Variants in CFAP70 observed in about 807,000 individuals in gnomAD.
CFAP70 encodes cilia and flagella associated protein 70, also known as cilia- and flagella-associated protein 70.
Under a neutral mutation model 137.6 loss-of-function variants are expected in CFAP70, and 81 were observed. That is an observed-to-expected ratio of 0.59 (90% confidence interval 0.49 to 0.71). The LOEUF is 0.71. Ranked by LOEUF, CFAP70 falls within the 30% of genes least tolerant of loss-of-function variation. The pLI, the probability that CFAP70 is intolerant of heterozygous loss-of-function variation, is 0.00. For missense variants in CFAP70, 976 were observed against 1,226.7 expected (o/e 0.80, Z 3.05); for synonymous variants, 382 against 423.6 (o/e 0.90, Z 1.20).
intron 4 of CFAP70, 60 bp downstream of exon 4, chr10:73,348,363 T>C: frequency 1.3e-6 from 2 of 1,559,082 alleles, no homozygotes; most frequent in Non-Finnish European, 1.8e-6. Flanking sequence ...TCTATATCTC[T>C]CTGGGGCTAA....
intron 15 of CFAP70, chr10:73,295,142 A>C (rs1218352111): frequency 6.5e-6 from 1 of 153,062 alleles, no homozygotes; most frequent in Non-Finnish European, 1.5e-5. Flanking sequence ...ACATGGTGAA[A>C]CCCCATCTCT....
At position 73,272,839 on chromosome 10, in the gene CFAP70, G is replaced by A. The variant is rs538066352; in HGVS notation, c.2925+89C>T. On this transcript the variant is annotated intron_variant, in intron 24 of 26. Coordinates refer to ENST00000310715, the Ensembl canonical transcript of CFAP70. ...AGACAGCCCTGATTGCTATTCCAATGTCATCACAAACCCCCAGGATGCTTG... is the reference window on the plus strand; with the variant it reads ...AGACAGCCCTGATTGCTATTCCAATATCATCACAAACCCCCAGGATGCTTG... 9 of 1,158,076 alleles carry A rather than the reference G, an allele frequency of 7.8e-6. No individual in the cohort carries two copies. In the South Asian group the frequency reaches 1.2e-4, roughly 15 times the overall value. 71.7% of individuals were successfully genotyped at this position (1,158,076 alleles called of 1,614,324 possible). A position where few individuals can be genotyped will look rare whatever the true frequency, so the allele number is the denominator to read the frequency against.
intron 20 of CFAP70, 80 bp downstream of exon 21, chr10:73,278,099 G>T: frequency 7.1e-7 from 1 of 1,403,236 alleles, no homozygotes; most frequent in Non-Finnish European, 9.8e-7. Flanking sequence ...AGTCAGGATT[G>T]CCATTTCATC....
At chr10:73,348,499 T>C in exon 4 of CFAP70, 1 of 1,518,598 alleles carries the variant, frequency 6.6e-7, no homozygotes, top group East Asian at 2.3e-5. Flanking sequence ...TCTTTTCCTT[T>C]GGTAAAACTT....
intron 10 of CFAP70, among the ~76,000 whole-genome samples, chr10:73,312,271 C>T (rs111686888): frequency 0.11 from 16,073 of 152,032 alleles, 1,231 homozygotes; most frequent in East Asian, 0.31. Context: ...ACCTAGATGG[C>T]GGGTTGACAG....
intron 7 of CFAP70, 49 bp downstream of exon 8, chr10:73,335,381 A>G: frequency 8.3e-7 from 1 of 1,206,518 alleles, no homozygotes; most frequent in Non-Finnish European, 1.2e-6. Flanking sequence ...ATTTCTTCCC[A>G]CCTACAAGCC....
chr10:73,354,317 T>C (rs1444730288), intron 2 of CFAP70, among the ~76,000 whole-genome samples: 3 of 152,256 alleles, frequency 2.0e-5, no homozygotes, highest in African/African-American at 4.8e-5. Flanking sequence ...TTTGGAATGA[T>C]CTTTTTAAAC....
At chr10:73,315,293 A>C (rs2050250975) in intron 9 of CFAP70, among the ~76,000 whole-genome samples, 3 of 151,652 alleles carry the variant, frequency 2.0e-5, no homozygotes, top group Non-Finnish European at 4.4e-5. Flanking sequence ...AGCATGATTC[A>C]GTGATTTGGA....
At chr10:73,336,046 C>T (rs866995737) in intron 6 of CFAP70, among the ~76,000 whole-genome samples, 19 of 151,252 alleles carry the variant, frequency 1.3e-4, no homozygotes, top group Admixed American at 5.3e-4. Flanking sequence ...GAGGCTGAGG[C>T]AGGAGGATTG....
chr10:73,293,104 AAAT>A (rs1469176822), intron 16 of CFAP70, among the ~76,000 whole-genome samples, 156 bp downstream of exon 17: 1 of 152,236 alleles, frequency 6.6e-6, no homozygotes, highest in Non-Finnish European at 1.5e-5. Flanking sequence ...GGTTTGTCAA[AAAT>A]TGAATGACCT....
chr10:73,326,278 T>C (rs1195675153), intron 8 of CFAP70, among the ~76,000 whole-genome samples: 1 of 150,210 alleles, frequency 6.7e-6, no homozygotes, highest in Non-Finnish European at 1.5e-5. Flanking sequence ...AAGATGTTCT[T>C]TGAAACCAAC....
chr10:73,292,603 C>T (rs1390740095), intron 16 of CFAP70, among the ~76,000 whole-genome samples: 4 of 152,018 alleles, frequency 2.6e-5, no homozygotes, highest in Non-Finnish European at 4.4e-5. Flanking sequence ...ACAGAATTAC[C>T]GTATGTCTCA....
intron 19 of CFAP70, among the ~76,000 whole-genome samples, chr10:73,287,970 T>C (rs753463959): frequency 6.6e-6 from 1 of 152,160 alleles, no homozygotes; most frequent in Non-Finnish European, 1.5e-5. Flanking sequence ...CAATCTGATC[T>C]CACTGCAACC....
At chr10:73,271,824 C>T (rs189822540) in intron 24 of CFAP70, among the ~76,000 whole-genome samples, 90 of 152,114 alleles carry the variant, frequency 5.9e-4, no homozygotes, top group Admixed American at 5.9e-4. Context: ...CTTAGCCTTC[C>T]AAGTATCTGG....
chr10:73,343,749 T>C (rs16930534), intron 5 of CFAP70, among the ~76,000 whole-genome samples: 15,678 of 152,052 alleles, frequency 0.1, 1,168 homozygotes, highest in East Asian at 0.3. Context: ...TAGGACCTGG[T>C]AGGGCAACCT....
At chr10:73,311,354 G>A (rs1589437983) in intron 11 of CFAP70, among the ~76,000 whole-genome samples, 1 of 152,172 alleles carries the variant, frequency 6.6e-6, no homozygotes, top group Middle Eastern at 3.4e-3. Context: ...TCACTACTTA[G>A]TATGGATATC....
Position 73,275,301 on chromosome 10 carries a change from G to A in CFAP70, c.2673+145C>T. 1 of 864,570 alleles carries A rather than the reference G, an allele frequency of 1.2e-6. No individual in the cohort carries two copies. Among genetic ancestry groups the A allele is most frequent in the Non-Finnish European group, 1.6e-6 (1 of 615,248 alleles). The allele number at this position is 864,570 out of a possible 1,614,324, so 53.6% of individuals were successfully genotyped here. A position where few individuals can be genotyped will look rare whatever the true frequency, so the allele number is the denominator to read the frequency against. ...GCCAACTCATGATTACTTAAGAAAA[G>A]CAAATGGAAGGGTATAGAGAGATGA... On this transcript the variant is annotated intron_variant, in intron 22 of 26. Coordinates refer to ENST00000310715, the Ensembl canonical transcript of CFAP70. The surrounding 1 kb of genome is among the most constrained non-coding windows in gnomAD (Gnocchi z 4.0).
chr10:73,339,991 C>T (rs538774255), intron 6 of CFAP70, among the ~76,000 whole-genome samples: 4 of 152,314 alleles, frequency 2.6e-5, no homozygotes, highest in Admixed American at 6.5e-5. Context: ...GTTCTTGTTT[C>T]GCATCCAGGA....
intron 9 of CFAP70, among the ~76,000 whole-genome samples, chr10:73,321,842 T>G (rs7096911): frequency 0.11 from 16,049 of 152,158 alleles, 1,222 homozygotes; most frequent in East Asian, 0.3. Context: ...GTAATGAAGT[T>G]GTGCAATTTC....
Sources: allele counts gnomAD v4.1 joint callset (sites outside exome capture counted in the v4.1 genomes callset), GRCh38; gene constraint gnomAD v4.1.1; non-coding constraint Gnocchi (gnomAD v3.1); transcripts MANE v1.5; gene names NCBI Gene and HGNC (gene_info 2026-07-23, HGNC 2026-07-21).